PCDHA1: variants seen among roughly 807,000 people sequenced by gnomAD.
PCDHA1 encodes protocadherin alpha-1.
A neutral mutation model predicts 61.3 loss-of-function variants in PCDHA1; 42 were observed. The observed-to-expected ratio is 0.69, with a 90% CI of 0.54 to 0.89. The LOEUF is 0.89. PCDHA1 is among the 40% of genes least tolerant of loss of function. The pLI, the probability that PCDHA1 is intolerant of heterozygous loss-of-function variation, is 0.00. For synonymous variants in PCDHA1, 610 were observed against 553.8 expected, an observed-to-expected ratio of 1.10 and a Z score of -1.43; for missense variants, 1,256 against 1,235.3, an observed-to-expected ratio of 1.02 and a Z score of -0.25.
At chr5:140,879,141 G>T (rs1413837977) in intron 1 of PCDHA1, among the ~76,000 whole-genome samples, 1 of 152,192 alleles carries the variant, frequency 6.6e-6, no homozygotes, top group Non-Finnish European at 1.5e-5. Flanking sequence ...GATTGTGAAG[G>T]CAGGAAAGCT....
intron 1 of PCDHA1, among the ~76,000 whole-genome samples, chr5:140,874,733 A>G (rs929245096): frequency 6.6e-6 from 1 of 152,244 alleles, no homozygotes; most frequent in Non-Finnish European, 1.5e-5. Context: ...TATCACATTC[A>G]AGCATCAAGG....
chr5:140,858,013 G>T, intron 1 of PCDHA1: 1 of 1,596,968 alleles, frequency 6.3e-7, no homozygotes, highest in Middle Eastern at 1.7e-4. Context: ...ACCATGGCGA[G>T]CCGTCGCTGA....
chr5:140,787,254 G>A lies in PCDHA1; in HGVS notation c.964G>A (p.Ala322Thr), dbSNP rs782372160. 67 of 1,614,048 alleles carry A rather than the reference G, an allele frequency of 4.2e-5. No individual in the cohort carries two copies. Among genetic ancestry groups the A allele is most frequent in the Non-Finnish European group, 5.1e-5 (60 of 1,180,044 alleles). Residue 322 changes from alanine to threonine, a missense_variant, in exon 1 of 4, where the codon GCA becomes ACA. Physicochemically the swap from Ala to Thr is moderately conservative, Grantham distance 58. Coordinates refer to ENST00000504120, the MANE Select transcript of PCDHA1 (RefSeq NM_018900.4). ...ETKSYEIQVK[A>T]VDKGSPPMSN... Reference sequence around the variant, plus strand: ...AAAATCCTACGAAATTCAAGTAAAGGCAGTTGATAAAGGAAGTCCTCCGAT... The same window carrying A: ...AAAATCCTACGAAATTCAAGTAAAGACAGTTGATAAAGGAAGTCCTCCGAT...
chr5:140,931,259 CTATT>C (rs1407255574), intron 1 of PCDHA1, among the ~76,000 whole-genome samples: 2 of 152,080 alleles, frequency 1.3e-5, no homozygotes, highest in African/African-American at 4.8e-5. Flanking sequence ...AGAAATTTCA[CTATT>C]TATTTCTTTT....
At chr5:140,802,811 C>A (rs539786276) in intron 1 of PCDHA1, 36 of 1,613,360 alleles carry the variant, frequency 2.2e-5, no homozygotes, top group Middle Eastern at 3.4e-4. Flanking sequence ...TGAGTGCGCG[C>A]GATGCGGGCG....
At chr5:140,838,075 ATAGTGT>A (rs1332388454) in intron 1 of PCDHA1, among the ~76,000 whole-genome samples, 13,757 of 126,792 alleles carry the variant, frequency 0.11, 706 homozygotes, top group East Asian at 0.24. Context: ...TTATATATAT[ATAGTGT>A]GTGTGTGTGT....
chr5:140,802,517 C>G, intron 1 of PCDHA1: 2 of 1,614,132 alleles, frequency 1.2e-6, no homozygotes, highest in African/African-American at 1.3e-5. Flanking sequence ...CCACGGCCAG[C>G]GTGTCCGTGG....
intron 1 of PCDHA1, chr5:140,807,575 C>A: frequency 3.7e-6 from 6 of 1,614,164 alleles, no homozygotes; most frequent in Non-Finnish European, 2.5e-6. Context: ...TAACGATAAC[C>A]CGCCGGTGTT....
intron 1 of PCDHA1, chr5:140,877,987 C>T: frequency 3.5e-6 from 4 of 1,151,316 alleles, no homozygotes; most frequent in Non-Finnish European, 4.6e-6. Context: ...TCATTTTGAA[C>T]TTTTATGTAT....
rs138621035 is a variant in PCDHA1 at position 140,848,721 on chromosome 5, G to A, written c.2394+60037G>A. ...TTCCAAAGGCCGCGGGGACCTTCTG[G>A]AGGTAAATCTGCAGAATGGCATTTT... On this transcript the variant is annotated intron_variant, in intron 1 of 3. Coordinates refer to ENST00000504120, the MANE Select transcript of PCDHA1 (RefSeq NM_018900.4). The A allele has an allele frequency of 1.9e-6, 3 of 1,592,458 alleles. No individual in the cohort carries two copies. Among genetic ancestry groups the A allele is most frequent in the African/African-American group, 2.7e-5 (2 of 74,256 alleles).
intron 1 of PCDHA1, chr5:140,796,527 G>A (rs782494751): frequency 3.1e-6 from 5 of 1,612,648 alleles, no homozygotes; most frequent in East Asian, 2.2e-5. Flanking sequence ...ACGCGCTGCA[G>A]CCGCTGGACC....
At position 141,010,329 on chromosome 5, in the gene PCDHA1, GTTTGTGGCCACTGGGTA is replaced by G. The variant is rs1554262887; in HGVS notation, c.*394_*410del. The G allele has an allele frequency of 1.9e-6, 3 of 1,538,554 alleles. No individual in the cohort carries two copies. The East Asian group carries it at 7.3e-5, about 38-fold the overall frequency. ...AGTTTTGAGATTGAGCAGCTTGGGA[GTTTGTGGCCACTGGGTA>G]TGTGTGGCTACCGCGGGTATGCGAG... On this transcript the variant is annotated 3_prime_UTR_variant, in exon 4 of 4. Coordinates refer to ENST00000504120, the MANE Select transcript of PCDHA1 (RefSeq NM_018900.4).
intron 1 of PCDHA1, chr5:140,850,311 T>C (rs2150479083): frequency 1.3e-6 from 2 of 1,597,000 alleles, no homozygotes; most frequent in African/African-American, 1.3e-5. Context: ...CTACAACGCG[T>C]GGCTTTCATA....
chr5:140,786,327 G>A lies in PCDHA1; in HGVS notation c.37G>A (p.Asp13Asn), dbSNP rs782127934. 2 of 1,612,870 alleles carry A rather than the reference G, an allele frequency of 1.2e-6. No homozygotes were observed. Among genetic ancestry groups the A allele is most frequent in the Non-Finnish European group, 1.7e-6 (2 of 1,179,364 alleles). Residue 13 changes from aspartate to asparagine, a missense_variant, in exon 1 of 4, where the codon GAT (aspartate) becomes AAT (asparagine). Transcript: ENST00000504120. ...FSRRGGLGARDLLLWLLLLAA... is the reference protein window; with the variant it reads ...FSRRGGLGARNLLLWLLLLAA... ...TAGGAGAGGGGGCCTGGGAGCCCGG[G>A]ATCTGCTTCTTTGGCTTCTGCTCCT...
intron 3 of PCDHA1, among the ~76,000 whole-genome samples, chr5:140,986,653 A>T (rs61089397): frequency 0.012 from 1,845 of 152,236 alleles, 43 homozygotes; most frequent in African/African-American, 0.043. Context: ...AGAGTGGGAG[A>T]TGCTCACAGT....
chr5:140,961,236 T>C (rs246004), intron 1 of PCDHA1, among the ~76,000 whole-genome samples: 47,773 of 152,034 alleles, frequency 0.31, 7,861 homozygotes, highest in East Asian at 0.53. Context: ...AAAAAGGTGA[T>C]GGAATTTATC....
chr5:141,004,708 A>G (rs955852492), intron 3 of PCDHA1, among the ~76,000 whole-genome samples: 2 of 152,340 alleles, frequency 1.3e-5, no homozygotes, highest in South Asian at 4.1e-4. Flanking sequence ...TAGGTGCCGA[A>G]TCAGAGGTTT....
intron 1 of PCDHA1, chr5:140,929,377 CTGT>C (rs782747382): frequency 6.6e-7 from 1 of 1,514,350 alleles, no homozygotes; most frequent in Non-Finnish European, 8.8e-7. Flanking sequence ...TGGCTGCTAG[CTGT>C]GTTTTGAAAT....
At chr5:141,008,425 A>G (rs1195605563) in intron 3 of PCDHA1, among the ~76,000 whole-genome samples, 2 of 152,172 alleles carry the variant, frequency 1.3e-5, no homozygotes, top group East Asian at 1.9e-4. Context: ...CACTGGGATC[A>G]CTTTGCCCAG....
Sources: allele counts gnomAD v4.1 joint callset (sites outside exome capture counted in the v4.1 genomes callset), GRCh38; gene constraint gnomAD v4.1.1; transcripts MANE v1.5; gene names NCBI Gene and HGNC (gene_info 2026-07-23, HGNC 2026-07-21).